The following RANBP17 variants were observed in gnomAD, a reference collection of about 807,000 sequenced individuals.
RANBP17 encodes the protein ran-binding protein 17.
RANBP17 carries 158 observed loss-of-function variants against 141.2 expected under a neutral mutation model. The observed-to-expected ratio is 1.12, with a 90% confidence interval of 0.98 to 1.28. The LOEUF is 1.28. RANBP17 is among the 50% of genes most tolerant of loss of function. The pLI is 0.00. For synonymous variants in RANBP17, 430 were observed against 450.0 expected (o/e 0.96, Z 0.56); for missense variants, 1,438 against 1,290.7 (o/e 1.11, Z -1.75).
intron 14 of RANBP17, among the ~76,000 whole-genome samples, chr5:171,010,274 C>T (rs779804762): frequency 1.3e-5 from 2 of 152,184 alleles, no homozygotes; most frequent in Non-Finnish European, 2.9e-5. Context: ...TGGTAAATGC[C>T]TCAGGCTTGC....
At chr5:171,234,868 G>T (rs1764439174) in intron 22 of RANBP17, among the ~76,000 whole-genome samples, 1 of 152,164 alleles carries the variant, frequency 6.6e-6, no homozygotes, top group Non-Finnish European at 1.5e-5. Context: ...TAGGTCTAGG[G>T]AGTCCTTTGA....
At chr5:171,263,282 A>G (rs970526795) in intron 24 of RANBP17, among the ~76,000 whole-genome samples, 1 of 152,098 alleles carries the variant, frequency 6.6e-6, no homozygotes, top group Non-Finnish European at 1.5e-5. Context: ...CACCATTTTA[A>G]CTGTTGCTCT....
At position 170,862,030 on chromosome 5, in the gene RANBP17, G is replaced by A. The variant is rs1156560906; in HGVS notation, c.-4G>A. On this transcript the variant is annotated 5_prime_UTR_variant, in exon 1 of 28. Coordinates refer to ENST00000523189, the MANE Select transcript of RANBP17 (RefSeq NM_022897.5). The stretch of plus-strand genomic sequence containing the variant: ...CCGGCTGGCCGGCGCCGCCTCCTGG[G>A]AAGATGGCGCTGCACTTCCAGGTCA... The A allele has an allele frequency of 3.4e-6, 5 of 1,461,308 alleles. No homozygotes were observed. In the African/African-American group the frequency reaches 5.9e-5, roughly 17 times the overall value. The allele number at this position is 1,461,308 out of a possible 1,614,324, so 90.5% of individuals were successfully genotyped here.
At chr5:170,922,264 C>T (rs1030278434) in intron 11 of RANBP17, among the ~76,000 whole-genome samples, 1 of 152,084 alleles carries the variant, frequency 6.6e-6, no homozygotes, top group East Asian at 1.9e-4. Flanking sequence ...GGAGGTGTTT[C>T]CCAGTCAGGC....
At chr5:171,013,483 A>G (rs994289304) in intron 14 of RANBP17, among the ~76,000 whole-genome samples, 2 of 152,044 alleles carry the variant, frequency 1.3e-5, no homozygotes, top group African/African-American at 4.8e-5. Flanking sequence ...TTTTTAACAT[A>G]CTAGTATCAG....
At chr5:170,865,015 T>C (rs1767123244) in intron 1 of RANBP17, among the ~76,000 whole-genome samples, 1 of 152,304 alleles carries the variant, frequency 6.6e-6, no homozygotes, top group East Asian at 1.9e-4. Context: ...ATCTTCATTC[T>C]ACAATTAGTT....
In RANBP17 at chr5:170,881,218, G is replaced by A. The variant is rs1053567345; in HGVS notation, c.166-588G>A. Among the ~76,000 whole-genome samples the A allele has an allele frequency of 2.0e-5, 3 of 152,250 alleles. No individual in the cohort carries two copies. In the East Asian group the frequency reaches 5.8e-4, roughly 29 times the overall value. ...AAGGGCCATAGTTTGCCAGCCTCTG[G>A]TCTAGAGAAAAAAAGAGGGAGTATC... On this transcript the variant is annotated intron_variant, in intron 2 of 27. Coordinates refer to ENST00000523189, the MANE Select transcript of RANBP17 (RefSeq NM_022897.5).
intron 19 of RANBP17, among the ~76,000 whole-genome samples, chr5:171,200,140 A>G (rs767283224): frequency 6.6e-6 from 1 of 152,232 alleles, no homozygotes; most frequent in Non-Finnish European, 1.5e-5. Context: ...ACAAACATAC[A>G]CATACTAAAA....
intron 14 of RANBP17, among the ~76,000 whole-genome samples, chr5:171,054,146 G>A (rs1167043865): frequency 6.6e-6 from 1 of 151,766 alleles, no homozygotes; most frequent in Non-Finnish European, 1.5e-5. Flanking sequence ...TGGATCTAAA[G>A]TGAGTCTCCT....
chr5:171,216,205 T>C (rs1763209147), intron 21 of RANBP17, among the ~76,000 whole-genome samples: 3 of 152,162 alleles, frequency 2.0e-5, no homozygotes, highest in African/African-American at 7.2e-5. Flanking sequence ...AAAGATCAGA[T>C]GGTTGTAGAT....
At chr5:171,042,157 G>C (rs904638065) in intron 14 of RANBP17, among the ~76,000 whole-genome samples, 2 of 151,800 alleles carry the variant, frequency 1.3e-5, no homozygotes, top group African/African-American at 4.8e-5. Context: ...TGGGCATTAG[G>C]GTTGATTCCA....
At chr5:171,293,810 C>T in intron 25 of RANBP17, 73 bp from the exon 26 acceptor site, 1 of 1,076,646 alleles carries the variant, frequency 9.3e-7, no homozygotes, top group South Asian at 1.3e-5. Context: ...GGAATCTGAG[C>T]ACATGAAAGG....
chr5:171,198,697 G>C (rs1581844661), intron 18 of RANBP17, among the ~76,000 whole-genome samples: 1 of 152,164 alleles, frequency 6.6e-6, no homozygotes. Flanking sequence ...ACCAAACTTT[G>C]AGGACCTTCT....
chr5:170,950,505 C>CA (rs1467697444), intron 12 of RANBP17, among the ~76,000 whole-genome samples: 1 of 152,034 alleles, frequency 6.6e-6, no homozygotes, highest in Non-Finnish European at 1.5e-5. Context: ...CACTAATCAT[C>CA]AGGGAAATGC....
intron 12 of RANBP17, among the ~76,000 whole-genome samples, chr5:170,948,401 A>C (rs1424964700): frequency 6.6e-6 from 1 of 152,176 alleles, no homozygotes; most frequent in Non-Finnish European, 1.5e-5. Context: ...AATAAAATCA[A>C]TGGTATGTCT....
intron 18 of RANBP17, among the ~76,000 whole-genome samples, chr5:171,193,768 T>C (rs1210594534): frequency 1.3e-5 from 2 of 152,210 alleles, no homozygotes; most frequent in African/African-American, 4.8e-5. Flanking sequence ...TGCTTCCCTC[T>C]TGCACTTTTA....
At chr5:171,253,142 A>G (rs1581124358) in intron 24 of RANBP17, among the ~76,000 whole-genome samples, 2 of 152,330 alleles carry the variant, frequency 1.3e-5, no homozygotes, top group South Asian at 4.1e-4. Flanking sequence ...CGATGGATTG[A>G]CAAGCCCTTC....
Position 171,053,785 on chromosome 5 carries a change from C to T in RANBP17, c.1710+85408C>T, listed in dbSNP as rs190301512. Among the ~76,000 whole-genome samples the T allele has an allele frequency of 2.7e-5, 4 of 149,616 alleles. No individual in the cohort carries two copies. The East Asian group carries it at 5.9e-4, about 22-fold the overall frequency. ...AATAGCAGTGGTGAAAGTGGTCATCCTCTTGTTACTCATCTTGGGGGAAAG... is the reference window on the plus strand; with the variant it reads ...AATAGCAGTGGTGAAAGTGGTCATCTTCTTGTTACTCATCTTGGGGGAAAG... On this transcript the variant is annotated intron_variant, in intron 14 of 27. Coordinates refer to ENST00000523189, the MANE Select transcript of RANBP17 (RefSeq NM_022897.5).
In RANBP17 at chr5:170,989,396, G is replaced by A. The variant is rs554062799; in HGVS notation, c.1710+21019G>A. 2.5e-4 allele frequency among the ~76,000 whole-genome samples: 38 copies of A among 151,810 alleles called. No homozygotes were observed. In the South Asian group the frequency reaches 6.8e-3, roughly 27 times the overall value. On this transcript the variant is annotated intron_variant, in intron 14 of 27. Transcript: ENST00000523189. ...TCATAATAGCTACAAGTTTGTAATCGAAATATTGCGAAAAGAATTTTAGGT... is the reference window on the plus strand; with the variant it reads ...TCATAATAGCTACAAGTTTGTAATCAAAATATTGCGAAAAGAATTTTAGGT...
Sources: allele counts gnomAD v4.1 joint callset (sites outside exome capture counted in the v4.1 genomes callset), GRCh38; gene constraint gnomAD v4.1.1; transcripts MANE v1.5; gene names NCBI Gene and HGNC (gene_info 2026-07-23, HGNC 2026-07-21).